Variants in GTF2A2 observed in about 807,000 individuals in gnomAD.
GTF2A2 encodes general transcription factor IIA subunit 2.
Under a neutral mutation model 14.3 loss-of-function variants are expected in GTF2A2, and 9 were observed. The observed-to-expected ratio is 0.63, with a 90% confidence interval of 0.38 to 1.10. GTF2A2 has a LOEUF of 1.10. Among genes scored for constraint, GTF2A2 ranks in the 50% least tolerant of loss-of-function variants. GTF2A2 has a pLI of 0.01. For synonymous variants in GTF2A2, 56 were observed against 46.0 expected (o/e 1.22, Z -0.88); for missense variants, 90 against 124.6 (o/e 0.72, Z 1.32).
chr15:59,643,693 G>T (rs1891509997), intron 3 of GTF2A2, among the ~76,000 whole-genome samples: 1 of 150,522 alleles, frequency 6.6e-6, no homozygotes, highest in African/African-American at 2.5e-5. Context: ...CACTTCCTGG[G>T]TTCTAGCTAT....
At chr15:59,643,735 C>T (rs997608754) in intron 3 of GTF2A2, among the ~76,000 whole-genome samples, 2 of 149,384 alleles carry the variant, frequency 1.3e-5, no homozygotes, top group Admixed American at 1.3e-4. Context: ...GTAGCTGGGA[C>T]TACAGGGCGT....
chr15:59,639,051 TAAATAA>T lies in GTF2A2; in HGVS notation c.*75_*80del. 3.6e-6 allele frequency: 3 copies of T among 838,134 alleles called. No individual in the cohort carries two copies. The highest frequency in any genetic ancestry group is 6.2e-6 in the Non-Finnish European group (3 of 486,496). 51.9% of individuals were successfully genotyped at this position (838,134 alleles called of 1,614,324 possible). A position where few individuals can be genotyped will look rare whatever the true frequency, so the allele number is the denominator to read the frequency against. The stretch of plus-strand genomic sequence containing the variant: ...TGTAGTCATTTCTGCAATTCTAGAA[TAAATAA>T]AAAGTCTCTTCTATGCTTCTCTTCA... On this transcript the variant is annotated 3_prime_UTR_variant, in exon 5 of 5. Transcript: ENST00000396060.
chr15:59,644,097 G>A (rs1406405307), intron 3 of GTF2A2, among the ~76,000 whole-genome samples: 1 of 152,054 alleles, frequency 6.6e-6, no homozygotes, highest in African/African-American at 2.4e-5. Context: ...GTTTTGCCAT[G>A]TTGGCCAGGC....
At chr15:59,648,268 C>T (rs1054339790) in intron 3 of GTF2A2, among the ~76,000 whole-genome samples, 6 of 151,704 alleles carry the variant, frequency 4.0e-5, no homozygotes, top group Non-Finnish European at 5.9e-5. Flanking sequence ...ATTAGCTGGG[C>T]GTTGTGGCGT....
chr15:59,641,043 T>TGTAATTTTA (rs1181758703), intron 4 of GTF2A2, among the ~76,000 whole-genome samples: 9 of 152,156 alleles, frequency 5.9e-5, no homozygotes, highest in Non-Finnish European at 1.3e-4. Context: ...GGGCTTAAGG[T>TGTAATTTTA]GTAATTTTAT....
At chr15:59,645,877 T>G (rs2141960588) in intron 3 of GTF2A2, among the ~76,000 whole-genome samples, 1 of 151,596 alleles carries the variant, frequency 6.6e-6, no homozygotes, top group Admixed American at 6.6e-5. Context: ...TCTACGTAAA[T>G]ATAAAAATTA....
chr15:59,652,820 C>T (rs1891834214), intron 1 of GTF2A2: 1 of 152,620 alleles, frequency 6.6e-6, no homozygotes, highest in African/African-American at 2.4e-5. Context: ...AATTTATACT[C>T]TAGAGAATGT....
intron 4 of GTF2A2, among the ~76,000 whole-genome samples, chr15:59,640,960 A>T (rs1490034022): frequency 6.6e-6 from 1 of 152,228 alleles, no homozygotes; most frequent in Non-Finnish European, 1.5e-5. Flanking sequence ...TCTGAACTAT[A>T]ACAAGTCCCC....
intron 1 of GTF2A2, among the ~76,000 whole-genome samples, chr15:59,654,974 T>C (rs1330146752): frequency 6.6e-6 from 1 of 152,230 alleles, no homozygotes; most frequent in Admixed American, 6.5e-5. Context: ...CATTTTGAAT[T>C]TGGGATGCCC....
At chr15:59,653,080 G>A (rs546777372) in intron 1 of GTF2A2, 1 of 152,448 alleles carries the variant, frequency 6.6e-6, no homozygotes, top group East Asian at 1.9e-4. Context: ...GGGAGTGGCA[G>A]GAGATGAAGC....
chr15:59,652,343 A>G lies in GTF2A2; in HGVS notation c.-49-17T>C. 2 of 822,108 alleles carry G rather than the reference A, an allele frequency of 2.4e-6. No homozygotes were observed. Among genetic ancestry groups the G allele is most frequent in the Admixed American group, 2.2e-5 (1 of 46,190 alleles). 50.9% of individuals were successfully genotyped at this position (822,108 alleles called of 1,614,324 possible). A position where few individuals can be genotyped will look rare whatever the true frequency, so the allele number is the denominator to read the frequency against. On this transcript the variant is annotated splice_polypyrimidine_tract_variant and intron_variant, in intron 1 of 4. Coordinates refer to ENST00000396060, the MANE Select transcript of GTF2A2 (RefSeq NM_004492.3). ...ATTGATGTCCTAAAAATTTAATATA[A>G]AATTGTTAAAAAAGATCATACTGTA...
rs192821229 is a variant in GTF2A2 at position 59,641,796 on chromosome 15, T to C, written c.304+340A>G. Among the ~76,000 whole-genome samples, 111 of 152,298 alleles carry C rather than the reference T, an allele frequency of 7.3e-4. 2 individuals are homozygous for C. In the Middle Eastern group the frequency reaches 0.01, roughly 14 times the overall value. On this transcript the variant is annotated intron_variant, in intron 4 of 4. Coordinates refer to ENST00000396060, the MANE Select transcript of GTF2A2 (RefSeq NM_004492.3). ...TGGGTCTCCAGCAACATAGAAACCA[T>C]AGGATTGTAAAAATTATTCCTTAAA...
At chr15:59,651,488 A>G (rs990517457) in intron 2 of GTF2A2, 4 of 152,156 alleles carry the variant, frequency 2.6e-5, no homozygotes, top group Non-Finnish European at 2.9e-5. Context: ...GAAATACTTA[A>G]TATGTTTTTA....
intron 1 of GTF2A2, among the ~76,000 whole-genome samples, chr15:59,654,934 T>C (rs548332329): frequency 1.3e-5 from 2 of 152,344 alleles, no homozygotes; most frequent in South Asian, 4.1e-4. Context: ...TTCAGTGTCA[T>C]GTTGGTGCTC....
rs767830055 is a variant in GTF2A2, at chr15:59,652,230, C to T, written c.48G>A (p.Gln16=). 1.9e-5 allele frequency: 30 copies of T among 1,600,712 alleles called. No individual in the cohort carries two copies. Among genetic ancestry groups the T allele is most frequent in the Admixed American group, 3.3e-5 (2 of 59,790 alleles). ...CCTGTATGAGCTCATCTAGGCTCTC[C>T]TGAAGACTGTTTCCCAAAGTAGTAT... is the stretch of plus-strand genomic sequence containing the variant. ...YRNTTLGNSL[Q]ESLDELIQSQ... The change falls in exon 2 of 5, where the codon CAG becomes CAA. Residue 16 remains glutamine, a synonymous_variant. Coordinates refer to ENST00000396060, the MANE Select transcript of GTF2A2 (RefSeq NM_004492.3).
intron 4 of GTF2A2, among the ~76,000 whole-genome samples, chr15:59,640,546 C>A (rs1595666186): frequency 6.6e-6 from 1 of 152,172 alleles, no homozygotes; most frequent in African/African-American, 2.4e-5. Flanking sequence ...AGTTCCTCAG[C>A]TGCCCATACC....
At chr15:59,650,386 T>C (rs1290708780) in intron 3 of GTF2A2, among the ~76,000 whole-genome samples, 5 of 152,234 alleles carry the variant, frequency 3.3e-5, no homozygotes, top group African/African-American at 4.8e-5. Context: ...TTCAGGTGTT[T>C]GGAATCTCAG....
chr15:59,652,978 G>T (rs1891838666), intron 1 of GTF2A2: 1 of 152,176 alleles, frequency 6.6e-6, no homozygotes. Context: ...TCCAGAGGCT[G>T]ACAGAATAGA....
intron 4 of GTF2A2, among the ~76,000 whole-genome samples, chr15:59,639,438 T>A (rs1159124983): frequency 6.6e-6 from 1 of 150,438 alleles, no homozygotes; most frequent in Non-Finnish European, 1.5e-5. Context: ...ATAACCTTTC[T>A]TCCCCCAGGT....
Sources: gnomAD v4.1 joint callset for allele counts (sites outside exome capture counted in the v4.1 genomes callset) on GRCh38, gnomAD v4.1.1 for gene constraint, MANE v1.5 for transcripts, NCBI Gene and HGNC (gene_info 2026-07-23, HGNC 2026-07-21) for gene names.